TTYH2: variants seen among roughly 807,000 people sequenced by gnomAD.
The protein encoded by TTYH2 is protein tweety homolog 2.
In TTYH2, 49 loss-of-function variants were observed where a neutral mutation model predicts 68.3. That is an observed-to-expected ratio of 0.72 (90% CI 0.57 to 0.91). TTYH2 has a LOEUF of 0.91. TTYH2 is among the 40% of genes least tolerant of loss of function. The pLI is 0.00. For synonymous variants in TTYH2, 272 were observed against 300.8 expected (o/e 0.90, Z 0.99); for missense variants, 631 against 700.4 (o/e 0.90, Z 1.12).
chr17:74,228,492 A>C (rs965172390), intron 2 of TTYH2, among the ~76,000 whole-genome samples: 1 of 152,238 alleles, frequency 6.6e-6, no homozygotes, highest in African/African-American at 2.4e-5. Context: ...GATGGATGAC[A>C]AGAGTCAAGA....
At chr17:74,230,820 T>C (rs536940575) in intron 2 of TTYH2, 68 bp from the exon 3 acceptor site, 2 of 1,535,218 alleles carry the variant, frequency 1.3e-6, no homozygotes, top group Non-Finnish European at 1.8e-6. Flanking sequence ...CTAAGCTTAT[T>C]TTTTAATATA....
chr17:74,215,552 A>G lies in TTYH2; in HGVS notation c.129+1836A>G. On this transcript the variant is annotated intron_variant, in intron 1 of 13. Transcript: ENST00000269346. The surrounding 1 kb of genome is among the most constrained non-coding windows in gnomAD (Gnocchi z 4.3). ...ATGGTTCCAGAGGGTGTCCCTTCCC[A>G]TCGGCCACTGCTCCTGGGCAGCTGA... is the stretch of plus-strand genomic sequence containing the variant. The G allele has an allele frequency of 7.3e-7, 1 of 1,374,222 alleles. No homozygotes were observed. The highest frequency in any genetic ancestry group is 9.9e-7 in the Non-Finnish European group (1 of 1,010,608). The allele number at this position is 1,374,222 out of a possible 1,614,324, so 85.1% of individuals were successfully genotyped here.
chr17:74,244,003 T>C lies in TTYH2; in HGVS notation c.758T>C (p.Leu253Pro). 1 of 1,612,352 alleles carries C rather than the reference T, an allele frequency of 6.2e-7. No homozygotes were observed. Residue 253 changes from leucine (L) to proline (P), a missense_variant, in exon 6 of 14, where the codon CTG becomes CCG. Physicochemically the swap from Leu to Pro is moderately conservative, Grantham distance 98. Coordinates refer to ENST00000269346, the MANE Select transcript of TTYH2 (RefSeq NM_032646.6). Reference sequence around the variant, plus strand: ...ATGCTGTGCTGTGGGGCACTGAGCCTGCTCCTCAGTTGGGCATCCCTGGCC... The same window carrying C: ...ATGCTGTGCTGTGGGGCACTGAGCCCGCTCCTCAGTTGGGCATCCCTGGCC... ...ASMLCCGALS[L>P]LLSWASLAAD...
rs2050217796 is a variant in TTYH2 at position 74,215,896 on chromosome 17, T to A, written c.129+2180T>A. ...AAGGCAGCAGGTCTTCAGGAGAAAT[T>A]GCTGGGGATTTTCTGCGGCTGGGCT... On this transcript the variant is annotated intron_variant, in intron 1 of 13. Coordinates refer to ENST00000269346, the MANE Select transcript of TTYH2 (RefSeq NM_032646.6). This position sits in a 1 kb window ranked among gnomAD's most constrained non-coding sequence, Gnocchi z 4.3. 6.6e-6 allele frequency among the ~76,000 whole-genome samples: 1 copy of A among 152,126 alleles called. No homozygotes were observed.
chr17:74,261,939 TC>T lies in TTYH2; in HGVS notation c.*1732del, dbSNP rs2050755328. On this transcript the variant is annotated 3_prime_UTR_variant, in exon 14 of 14. Coordinates refer to ENST00000269346, the MANE Select transcript of TTYH2 (RefSeq NM_032646.6). Reference sequence around the variant, plus strand: ...AAACTAAACAGATTCCTCGGGGAGTTCCTGAAGGAACCAGGTGGGCAAACCT... The same window carrying T: ...AAACTAAACAGATTCCTCGGGGAGTTCTGAAGGAACCAGGTGGGCAAACCT... The T allele has an allele frequency of 2.6e-5, 4 of 152,592 alleles. No homozygotes were observed. Among genetic ancestry groups the T allele is most frequent in the African/African-American group, 7.2e-5 (3 of 41,424 alleles). The allele number at this position is 152,592 out of a possible 1,614,324, so 9.5% of individuals were successfully genotyped here.
chr17:74,250,457 G>T (rs922553715), intron 10 of TTYH2, 100 bp downstream of exon 10: 2 of 1,003,006 alleles, frequency 2.0e-6, no homozygotes, highest in African/African-American at 3.3e-5. Flanking sequence ...GCGATGGCCT[G>T]GGTCCCCTTC....
At chr17:74,236,117 C>T (rs955931532) in intron 3 of TTYH2, among the ~76,000 whole-genome samples, 14 of 152,300 alleles carry the variant, frequency 9.2e-5, no homozygotes, top group African/African-American at 3.1e-4. Flanking sequence ...CCTTAGGGCT[C>T]AGCCAAGGGA....
In TTYH2 at chr17:74,215,083, AG is replaced by A. The variant is rs1160503977; in HGVS notation, c.129+1368del. Among the ~76,000 whole-genome samples, 1 of 151,850 alleles carries A rather than the reference AG, an allele frequency of 6.6e-6. No homozygotes were observed. The highest frequency in any genetic ancestry group is 3.2e-3 in the Middle Eastern group (1 of 316). On this transcript the variant is annotated intron_variant, in intron 1 of 13. Transcript: ENST00000269346. The surrounding 1 kb of genome is among the most constrained non-coding windows in gnomAD (Gnocchi z 4.3). Reference sequence around the variant, plus strand: ...AGCCTGTGGGAGTCTGTGTTCCCTGAGAATGTGGCTGCCTGGGGATAGCTCC... The same window carrying A: ...AGCCTGTGGGAGTCTGTGTTCCCTGAAATGTGGCTGCCTGGGGATAGCTCC...
chr17:74,233,902 G>C (rs958788414), intron 3 of TTYH2, among the ~76,000 whole-genome samples: 1 of 152,150 alleles, frequency 6.6e-6, no homozygotes, highest in African/African-American at 2.4e-5. Flanking sequence ...CTCAGATGTA[G>C]AAACTGAGGC....
chr17:74,244,213 G>T, intron 6 of TTYH2, 164 bp downstream of exon 6: 1 of 651,368 alleles, frequency 1.5e-6, no homozygotes, highest in South Asian at 1.9e-5. Flanking sequence ...TCTCGTTACA[G>T]ATGGGGAAAC....
At chr17:74,259,986 T>G in intron 13 of TTYH2, 143 bp from the exon 14 acceptor site, 4 of 719,916 alleles carry the variant, frequency 5.6e-6, no homozygotes, top group Admixed American at 2.0e-5. Flanking sequence ...GAGGCAGAAG[T>G]CTTGATGGAT....
At chr17:74,220,174 G>C (rs576479557) in intron 1 of TTYH2, among the ~76,000 whole-genome samples, 1 of 152,162 alleles carries the variant, frequency 6.6e-6, no homozygotes, top group African/African-American at 2.4e-5. Context: ...AGGATCCCTG[G>C]GCTTTAGCAG....
rs998281439 is a variant in TTYH2, at chr17:74,214,786, G to T, written c.129+1070G>T. On this transcript the variant is annotated intron_variant, in intron 1 of 13. Coordinates refer to ENST00000269346, the MANE Select transcript of TTYH2 (RefSeq NM_032646.6). The surrounding 1 kb of genome is among the most constrained non-coding windows in gnomAD (Gnocchi z 4.6). ...CGCCCATCTCAGGACTTTGGCCCCC[G>T]GCGGCCTCTCCCTGTGTCAAGTTCT... Among the ~76,000 whole-genome samples, 1 of 152,194 alleles carries T rather than the reference G, an allele frequency of 6.6e-6. No individual in the cohort carries two copies. The highest frequency in any genetic ancestry group is 2.4e-5 in the African/African-American group (1 of 41,446).
chr17:74,259,305 G>A (rs8080732), intron 13 of TTYH2, among the ~76,000 whole-genome samples: 1 of 152,022 alleles, frequency 6.6e-6, no homozygotes, highest in African/African-American at 2.4e-5. Context: ...CACCTCTTGG[G>A]CTCAAGTACC....
chr17:74,243,990 G>T lies in TTYH2; in HGVS notation c.745G>T (p.Gly249Trp). The T allele has an allele frequency of 1.2e-6, 2 of 1,612,150 alleles. No individual in the cohort carries two copies. Among genetic ancestry groups the T allele is most frequent in the Non-Finnish European group, 8.5e-7 (1 of 1,179,938 alleles). The change falls in exon 6 of 14, where the codon GGG becomes TGG. Residue 249 changes from glycine (G) to tryptophan (W), a missense_variant. Physicochemically the swap from Gly to Trp is radical, Grantham distance 184 (BLOSUM62 -2). Transcript: ENST00000269346. ...CCTCTCTCCTAGGATGCTGTGCTGT[G>T]GGGCACTGAGCCTGCTCCTCAGTTG... ...KCLLASMLCCGALSLLLSWAS... is the reference protein window; with the variant it reads ...KCLLASMLCCWALSLLLSWAS...
chr17:74,218,489 A>G (rs774328142), intron 1 of TTYH2, among the ~76,000 whole-genome samples: 18 of 151,712 alleles, frequency 1.2e-4, no homozygotes, highest in Non-Finnish European at 2.2e-4. Context: ...CCTGGCCAAC[A>G]TAGTGAGAGC....
In TTYH2 at chr17:74,249,091, A is replaced by G. The variant is rs2143770799; in HGVS notation, c.874+11A>G. The G allele has an allele frequency of 1.2e-6, 2 of 1,613,522 alleles. No individual in the cohort carries two copies. Among genetic ancestry groups the G allele is most frequent in the East Asian group, 2.2e-5 (1 of 44,830 alleles). ...GCCAGATCAGCACAGGTAACTACAC[A>G]CTCTCAGGCTGCTGCTGTGGATGCA... On this transcript the variant is annotated intron_variant, in intron 7 of 13. Transcript: ENST00000269346.
At chr17:74,251,323 T>C (rs962989368) in intron 10 of TTYH2, among the ~76,000 whole-genome samples, 1 of 149,546 alleles carries the variant, frequency 6.7e-6, no homozygotes, top group Non-Finnish European at 1.5e-5. Flanking sequence ...TGTGCACATG[T>C]GTGCACATGT....
chr17:74,218,770 G>C (rs1187424805), intron 1 of TTYH2, among the ~76,000 whole-genome samples: 1 of 152,172 alleles, frequency 6.6e-6, no homozygotes. Context: ...AGCCTTCCTT[G>C]CTGGGTGGGG....
Sources: gnomAD v4.1 joint callset for allele counts (sites outside exome capture counted in the v4.1 genomes callset) on GRCh38, gnomAD v4.1.1 for gene constraint, Gnocchi (gnomAD v3.1) non-coding constraint, MANE v1.5 for transcripts, NCBI Gene and HGNC (gene_info 2026-07-23, HGNC 2026-07-21) for gene names.